The following GRIN2A variants were observed in gnomAD, a reference collection of about 807,000 sequenced individuals.
The protein encoded by GRIN2A is glutamate ionotropic receptor NMDA type subunit 2A.
GRIN2A carries 22 observed loss-of-function variants against 113.4 expected under a neutral mutation model. The ratio of observed to expected loss-of-function variants is 0.19; its 90% CI spans 0.14 to 0.28. The LOEUF is 0.28. Among genes scored for constraint, GRIN2A ranks in the 10% least tolerant of loss-of-function variants. The pLI, the probability that GRIN2A is intolerant of heterozygous loss-of-function variation, is 1.00. For missense variants in GRIN2A, 1,502 were observed against 1,887.0 expected (o/e 0.80, Z 3.78); for synonymous variants, 827 against 738.4 (o/e 1.12, Z -1.94).
intron 2 of GRIN2A, among the ~76,000 whole-genome samples, chr16:9,969,536 G>A (rs951400057): frequency 6.6e-6 from 1 of 152,170 alleles, no homozygotes; most frequent in Non-Finnish European, 1.5e-5. Context: ...AGAACTGGAT[G>A]TTCATGGTGC....
At chr16:9,866,381 C>T (rs2043160653) in intron 4 of GRIN2A, among the ~76,000 whole-genome samples, 1 of 151,978 alleles carries the variant, frequency 6.6e-6, no homozygotes, top group South Asian at 2.1e-4. Context: ...AGCTTAGAAG[C>T]TGAGTTTTAA....
intron 2 of GRIN2A, among the ~76,000 whole-genome samples, chr16:10,009,443 G>A (rs1034918557): frequency 6.6e-6 from 1 of 152,122 alleles, no homozygotes; most frequent in Non-Finnish European, 1.5e-5. Context: ...AGGTGAGAGC[G>A]ACATACTGTA....
At chr16:9,962,115 G>T (rs542367300) in intron 2 of GRIN2A, among the ~76,000 whole-genome samples, 78 of 152,254 alleles carry the variant, frequency 5.1e-4, no homozygotes, top group South Asian at 1.2e-3. Flanking sequence ...ATTAATCCAA[G>T]ATGGATTAAA....
At chr16:9,842,304 G>A (rs1052417612) in intron 5 of GRIN2A, among the ~76,000 whole-genome samples, 18 of 152,062 alleles carry the variant, frequency 1.2e-4, no homozygotes, top group African/African-American at 3.1e-4. Context: ...TCTATCCAAC[G>A]GATAGCAAAA....
chr16:10,090,520 A>G (rs1195506476), intron 2 of GRIN2A, among the ~76,000 whole-genome samples: 2 of 152,200 alleles, frequency 1.3e-5, no homozygotes, highest in Admixed American at 1.3e-4. Flanking sequence ...TCCAAACCAC[A>G]CAAAAATTAA....
intron 10 of GRIN2A, among the ~76,000 whole-genome samples, chr16:9,820,725 G>A (rs2042265702): frequency 6.6e-6 from 1 of 152,184 alleles, no homozygotes. Context: ...GGTGGCGGGT[G>A]GAAGATATTG....
At chr16:10,076,325 G>A (rs991388567) in intron 2 of GRIN2A, among the ~76,000 whole-genome samples, 4 of 152,122 alleles carry the variant, frequency 2.6e-5, no homozygotes, top group African/African-American at 9.7e-5. Flanking sequence ...CCATCCACAG[G>A]AGAATGTTGA....
At chr16:9,881,192 G>A (rs542250893) in intron 4 of GRIN2A, among the ~76,000 whole-genome samples, 57 of 152,230 alleles carry the variant, frequency 3.7e-4, no homozygotes, top group African/African-American at 1.3e-3. Context: ...TATAAACAGC[G>A]TTTTATTTGC....
intron 4 of GRIN2A, among the ~76,000 whole-genome samples, chr16:9,855,696 CCTTA>C (rs545173967): frequency 2.0e-5 from 3 of 152,132 alleles, no homozygotes; most frequent in Non-Finnish European, 4.4e-5. Context: ...AGGTGGCACT[CCTTA>C]CTTGACATTT....
chr16:10,110,312 C>T (rs74006707), intron 2 of GRIN2A, among the ~76,000 whole-genome samples: 40,707 of 151,842 alleles, frequency 0.27, 5,642 homozygotes, highest in East Asian at 0.45. Context: ...ATGGATGAGA[C>T]TGGAGAATAG....
intron 3 of GRIN2A, among the ~76,000 whole-genome samples, chr16:9,930,769 A>G (rs987757372): frequency 1.3e-5 from 2 of 152,340 alleles, no homozygotes; most frequent in Non-Finnish European, 1.5e-5. Flanking sequence ...CTAAATAAAA[A>G]TATGTCAACC....
chr16:9,943,700 C>A (rs1033096140), intron 2 of GRIN2A, among the ~76,000 whole-genome samples: 1 of 152,184 alleles, frequency 6.6e-6, no homozygotes, highest in East Asian at 1.9e-4. Flanking sequence ...ATCTACATGG[C>A]CCCATGGTGA....
At chr16:10,053,625 G>A (rs1567265281) in intron 2 of GRIN2A, among the ~76,000 whole-genome samples, 3 of 152,202 alleles carry the variant, frequency 2.0e-5, no homozygotes, top group Non-Finnish European at 4.4e-5. Context: ...TTGCCCTGGG[G>A]AGAAAATGGA....
chr16:10,143,912 G>A (rs2049378841), intron 2 of GRIN2A, among the ~76,000 whole-genome samples: 1 of 152,124 alleles, frequency 6.6e-6, no homozygotes, highest in African/African-American at 2.4e-5. Flanking sequence ...GTTACAGTGA[G>A]CCACTATCAC....
At chr16:9,870,502 G>C (rs2043239201) in intron 4 of GRIN2A, among the ~76,000 whole-genome samples, 1 of 152,234 alleles carries the variant, frequency 6.6e-6, no homozygotes, top group African/African-American at 2.4e-5. Context: ...GCTCTTTATG[G>C]GCTAGAAGTT....
rs768555413 is a variant in GRIN2A, at chr16:10,113,184, C to A, written c.414+66814G>T. The stretch of plus-strand genomic sequence containing the variant: ...GCTGCAGCATGCTCCAGCATGGCCC[C>A]CACCCCAGGGACAGGAGGCCCCACC... On this transcript the variant is annotated intron_variant, in intron 2 of 12. Transcript: ENST00000330684. Among the ~76,000 whole-genome samples the A allele has an allele frequency of 2.1e-4, 32 of 152,216 alleles. No individual in the cohort carries two copies. The Middle Eastern group carries it at 0.021, about 98-fold the overall frequency.
At chr16:9,960,408 G>A (rs1019728692) in intron 2 of GRIN2A, among the ~76,000 whole-genome samples, 1 of 152,124 alleles carries the variant, frequency 6.6e-6, no homozygotes, top group African/African-American at 2.4e-5. Flanking sequence ...TTGGGTTGTA[G>A]CATATGGATG....
intron 10 of GRIN2A, among the ~76,000 whole-genome samples, chr16:9,816,815 G>C (rs1332720440): frequency 1.3e-5 from 2 of 152,108 alleles, no homozygotes; most frequent in Non-Finnish European, 2.9e-5. Context: ...GATTCAACTG[G>C]CTCAGTGGGG....
chr16:10,089,357 C>T (rs755789336), intron 2 of GRIN2A, among the ~76,000 whole-genome samples: 1 of 152,098 alleles, frequency 6.6e-6, no homozygotes, highest in Non-Finnish European at 1.5e-5. Flanking sequence ...GAAACGTTTA[C>T]AGTAAATATG....
Sources: allele counts gnomAD v4.1 joint callset (sites outside exome capture counted in the v4.1 genomes callset), GRCh38; gene constraint gnomAD v4.1.1; transcripts MANE v1.5; gene names NCBI Gene and HGNC (gene_info 2026-07-23, HGNC 2026-07-21).